CDH9: variants seen among roughly 807,000 people sequenced by gnomAD.
CDH9 encodes the protein cadherin-9.
Under a neutral mutation model 70.9 loss-of-function variants are expected in CDH9, and 28 were observed. That is an observed-to-expected ratio of 0.40 (90% CI 0.29 to 0.54). The LOEUF (loss-of-function observed/expected upper bound fraction) is 0.54. Ranked by LOEUF, CDH9 falls within the 20% of genes least tolerant of loss-of-function variation. The pLI is 0.59. For missense variants in CDH9, 874 were observed against 984.4 expected (o/e 0.89, Z 1.50); for synonymous variants, 409 against 343.1 (o/e 1.19, Z -2.12).
intron 1 of CDH9, among the ~76,000 whole-genome samples, chr5:27,026,904 C>T (rs1451940788): frequency 6.6e-6 from 1 of 151,828 alleles, no homozygotes; most frequent in Non-Finnish European, 1.5e-5. Context: ...ACAATAAAAT[C>T]CTTATATAAA....
intron 1 of CDH9, among the ~76,000 whole-genome samples, chr5:27,018,755 G>A (rs1031534906): frequency 9.9e-5 from 15 of 151,830 alleles, no homozygotes; most frequent in Middle Eastern, 3.4e-3. Context: ...ATTAAAATTC[G>A]TGTCAGGGTA....
chr5:26,894,606 CT>C (rs1423509994), intron 7 of CDH9, among the ~76,000 whole-genome samples: 2 of 151,998 alleles, frequency 1.3e-5, no homozygotes, highest in African/African-American at 4.8e-5. Flanking sequence ...AGATAATTTT[CT>C]TTTATTTAGC....
chr5:26,980,684 A>G (rs1227639096), intron 2 of CDH9, among the ~76,000 whole-genome samples: 4 of 152,052 alleles, frequency 2.6e-5, no homozygotes, highest in African/African-American at 9.6e-5. Context: ...AAACATGCAT[A>G]CATTATTAAT....
intron 1 of CDH9, among the ~76,000 whole-genome samples, chr5:27,013,088 T>C (rs1742985906): frequency 6.6e-6 from 1 of 151,894 alleles, no homozygotes; most frequent in African/African-American, 2.4e-5. Context: ...TGGAGGTCAT[T>C]AGATTAAGGC....
At chr5:27,015,532 G>T (rs1743033003) in intron 1 of CDH9, among the ~76,000 whole-genome samples, 1 of 151,580 alleles carries the variant, frequency 6.6e-6, no homozygotes, top group African/African-American at 2.4e-5. Context: ...TTAGTCATTA[G>T]ATATATGATA....
At chr5:27,014,826 C>G (rs1439702265) in intron 1 of CDH9, among the ~76,000 whole-genome samples, 2 of 151,626 alleles carry the variant, frequency 1.3e-5, no homozygotes, top group African/African-American at 2.4e-5. Flanking sequence ...CACTCTGAAC[C>G]CCTCAATTCA....
intron 2 of CDH9, among the ~76,000 whole-genome samples, chr5:26,966,469 T>A (rs551212539): frequency 5.1e-4 from 77 of 152,336 alleles, no homozygotes; most frequent in African/African-American, 1.8e-3. Context: ...TGTAATTATA[T>A]TTGCAAATAA....
intron 1 of CDH9, among the ~76,000 whole-genome samples, chr5:26,996,633 T>C (rs1742669843): frequency 6.6e-6 from 1 of 151,888 alleles, no homozygotes; most frequent in Non-Finnish European, 1.5e-5. Flanking sequence ...TATTTTTTCT[T>C]ATTAATTAAT....
intron 1 of CDH9, among the ~76,000 whole-genome samples, chr5:27,017,449 A>G (rs2112121567): frequency 6.6e-6 from 1 of 151,896 alleles, no homozygotes; most frequent in South Asian, 2.1e-4. Flanking sequence ...TTGGGGGGGC[A>G]AGCTAAACGC....
intron 1 of CDH9, among the ~76,000 whole-genome samples, chr5:27,009,924 G>A (rs932091418): frequency 1.3e-5 from 2 of 151,972 alleles, no homozygotes; most frequent in African/African-American, 4.8e-5. Flanking sequence ...TGGGTCCCTT[G>A]GCCTTATTGA....
intron 1 of CDH9, among the ~76,000 whole-genome samples, chr5:27,025,092 A>G (rs1191312476): frequency 1.3e-5 from 2 of 152,070 alleles, no homozygotes; most frequent in South Asian, 2.1e-4. Context: ...CAAATTGGGT[A>G]TTATTTATTT....
At chr5:26,944,631 A>C (rs1457922671) in intron 2 of CDH9, among the ~76,000 whole-genome samples, 1 of 152,208 alleles carries the variant, frequency 6.6e-6, no homozygotes, top group Non-Finnish European at 1.5e-5. Flanking sequence ...CCAGCCTGAC[A>C]GAGTGAGACA....
chr5:26,960,635 A>G (rs1451190792), intron 2 of CDH9, among the ~76,000 whole-genome samples: 2 of 152,024 alleles, frequency 1.3e-5, no homozygotes, highest in Non-Finnish European at 2.9e-5. Flanking sequence ...AAAATGTATG[A>G]TAATACAATG....
chr5:27,022,000 CA>C (rs1331597090), intron 1 of CDH9, among the ~76,000 whole-genome samples: 2 of 151,954 alleles, frequency 1.3e-5, no homozygotes, highest in Non-Finnish European at 2.9e-5. Flanking sequence ...CCAGACATTA[CA>C]TTGAAACAGA....
At chr5:26,888,056 T>C (rs552166618) in intron 9 of CDH9, among the ~76,000 whole-genome samples, 2 of 152,206 alleles carry the variant, frequency 1.3e-5, no homozygotes, top group East Asian at 3.9e-4. Flanking sequence ...TGGAAACTAA[T>C]ACAGCTGTAA....
intron 1 of CDH9, among the ~76,000 whole-genome samples, chr5:27,011,590 C>T (rs1037536045): frequency 6.6e-6 from 1 of 151,990 alleles, no homozygotes. Context: ...TTTTAAGCCA[C>T]CTAGTTTGTC....
At chr5:26,993,646 G>A (rs1026396577) in intron 1 of CDH9, among the ~76,000 whole-genome samples, 39 of 140,690 alleles carry the variant, frequency 2.8e-4, no homozygotes, top group African/African-American at 9.9e-4. Flanking sequence ...ATGAAAGAAG[G>A]CTGGTGGATT....
intron 1 of CDH9, among the ~76,000 whole-genome samples, chr5:26,991,281 T>G (rs1742575596): frequency 6.6e-6 from 1 of 152,154 alleles, no homozygotes; most frequent in Admixed American, 6.6e-5. Flanking sequence ...CTACAATTTT[T>G]CTATGCTTTT....
intron 1 of CDH9, among the ~76,000 whole-genome samples, chr5:27,007,353 A>G (rs1278092441): frequency 6.6e-6 from 1 of 152,116 alleles, no homozygotes; most frequent in Non-Finnish European, 1.5e-5. Context: ...GGGTAGGTGG[A>G]TGGGGAGGAT....
Sources: allele counts gnomAD v4.1 joint callset (sites outside exome capture counted in the v4.1 genomes callset), GRCh38; gene constraint gnomAD v4.1.1; transcripts MANE v1.5; gene names NCBI Gene and HGNC (gene_info 2026-07-23, HGNC 2026-07-21).